MORC2: variants seen among roughly 807,000 people sequenced by gnomAD.
MORC2 encodes the protein ATPase MORC2.
In MORC2, 30 loss-of-function variants were observed where a neutral mutation model predicts 136.0. That is an observed-to-expected ratio of 0.22 (90% CI 0.17 to 0.30). The LOEUF (loss-of-function observed/expected upper bound fraction) is 0.30. MORC2 is among the 10% of genes least tolerant of loss of function. The pLI is 1.00. For synonymous variants in MORC2, 439 were observed against 487.0 expected (o/e 0.90, Z 1.30); for missense variants, 922 against 1,333.1 (o/e 0.69, Z 4.80).
At chr22:30,933,148 G>T (rs1331826845) in intron 21 of MORC2, 118 bp from the exon 22 acceptor site, 1 of 1,409,914 alleles carries the variant, frequency 7.1e-7, no homozygotes, top group East Asian at 2.3e-5. Flanking sequence ...TTAGGTGCTT[G>T]CCCCCACTAC....
intron 1 of MORC2, among the ~76,000 whole-genome samples, chr22:30,966,342 A>T (rs1243373511): frequency 2.0e-5 from 3 of 152,158 alleles, no homozygotes; most frequent in Non-Finnish European, 4.4e-5. Flanking sequence ...TGTTCTTAAT[A>T]TGGCAGTTCA....
At chr22:30,960,842 C>T (rs953438178) in intron 1 of MORC2, among the ~76,000 whole-genome samples, 7 of 149,002 alleles carry the variant, frequency 4.7e-5, no homozygotes, top group Non-Finnish European at 1.0e-4. Flanking sequence ...ATAAAACAGC[C>T]ATATTTTGTT....
At position 30,932,482 on chromosome 22, in the gene MORC2, T is replaced by C. The variant is rs1212173803; in HGVS notation, c.2748-30A>G. ...AGAAGGCAGGGACAGTAATTCAGAA[T>C]GGCATGGAGCAGGCAGAGAGCTGCT... On this transcript the variant is annotated intron_variant, in intron 23 of 25. Coordinates refer to ENST00000397641, the MANE Select transcript of MORC2 (RefSeq NM_001303256.3). This position sits in a 1 kb window ranked among gnomAD's most constrained non-coding sequence, Gnocchi z 4.4. 2.5e-6 allele frequency: 4 copies of C among 1,612,834 alleles called. No homozygotes were observed. The highest frequency in any genetic ancestry group is 2.2e-5 in the East Asian group (1 of 44,874).
At chr22:30,933,350 GCCCAGA>G in intron 21 of MORC2, 110 bp downstream of exon 21, 1 of 1,162,792 alleles carries the variant, frequency 8.6e-7, no homozygotes, top group South Asian at 1.4e-5. Flanking sequence ...CTGCACAAGA[GCCCAGA>G]CCCAGGACAG....
At chr22:30,958,985 T>C (rs2041005868) in intron 1 of MORC2, 1 of 260,032 alleles carries the variant, frequency 3.8e-6, no homozygotes, top group East Asian at 8.2e-5. Context: ...AAAGTGTTTT[T>C]CACTATTCAT....
At chr22:30,967,150 G>C in intron 1 of MORC2, 1 of 985,364 alleles carries the variant, frequency 1.0e-6, no homozygotes, top group Non-Finnish European at 1.2e-6. Flanking sequence ...TGGGCATATG[G>C]ATTAAACCTG....
chr22:30,926,787 GCTCT>G lies in MORC2; in HGVS notation c.*12_*15del. 6.2e-7 allele frequency: 1 copy of G among 1,608,390 alleles called. No homozygotes were observed. The highest frequency in any genetic ancestry group is 1.3e-5 in the African/African-American group (1 of 74,862). ...TGAGGGGCAGGTGGGCAGGGGAGCT[GCTCT>G]CTCTCCTGCCTTCAGTCCCCCTTGG... On this transcript the variant is annotated 3_prime_UTR_variant, in exon 26 of 26. Coordinates refer to ENST00000397641, the MANE Select transcript of MORC2 (RefSeq NM_001303256.3).
In MORC2 at chr22:30,934,998, C is replaced by T. The variant is rs769791429; in HGVS notation, c.1976G>A (p.Arg659Gln). The change falls in exon 19 of 26, where the codon CGG becomes CAG. Residue 659 changes from arginine (R) to glutamine (Q), a missense_variant. This residue lies in a region of MORC2 where 184 missense variants were observed against 180.3 expected (regional missense o/e 1.02). Transcript: ENST00000397641. The surrounding 1 kb of genome is among the most constrained non-coding windows in gnomAD (Gnocchi z 4.4). ...STPKLPALAA[R>Q]EEASTSRLLQ... ...CAGCCTAGATGTGCTGGCCTCCTCC[C>T]GGGCTGCCAAAGCAGGGAGCTTTGG... The T allele has an allele frequency of 9.3e-6, 15 of 1,613,922 alleles. No individual in the cohort carries two copies. Among genetic ancestry groups the T allele is most frequent in the Middle Eastern group, 1.6e-4 (1 of 6,084 alleles).
intron 5 of MORC2, 116 bp downstream of exon 5, chr22:30,949,636 G>T: frequency 2.3e-6 from 2 of 879,956 alleles, no homozygotes; most frequent in Non-Finnish European, 3.6e-6. Flanking sequence ...ACTTCTTCCA[G>T]TTCCAGAATT....
chr22:30,938,266 A>T, intron 12 of MORC2, 61 bp from the exon 13 acceptor site: 3 of 1,586,762 alleles, frequency 1.9e-6, no homozygotes, highest in Non-Finnish European at 2.6e-6. Flanking sequence ...CATAGTGTTT[A>T]AGATGTGTTA....
intron 1 of MORC2, among the ~76,000 whole-genome samples, chr22:30,964,996 T>C (rs1229476974): frequency 6.6e-6 from 1 of 152,208 alleles, no homozygotes; most frequent in African/African-American, 2.4e-5. Flanking sequence ...CATATAATCC[T>C]CGTAAAAACT....
chr22:30,937,546 T>C lies in MORC2; in HGVS notation c.1498+37A>G, dbSNP rs976269162. The stretch of plus-strand genomic sequence containing the variant: ...TAGAGAAAAGAGGCTTGTGGGCTGA[T>C]GGAAATGAGTCGGGGGGGTCCAACC... On this transcript the variant is annotated intron_variant, in intron 15 of 25. Transcript: ENST00000397641. The surrounding 1 kb of genome is among the most constrained non-coding windows in gnomAD (Gnocchi z 4.7). 1.9e-6 allele frequency: 3 copies of C among 1,603,144 alleles called. No homozygotes were observed. The highest frequency in any genetic ancestry group is 1.7e-5 in the Admixed American group (1 of 58,826).
At position 30,937,838 on chromosome 22, in the gene MORC2, T is replaced by G; in HGVS notation, c.1346A>C (p.Gln449Pro). Reference sequence around the variant, plus strand: ...ACCGATGGCAATATCCTTCCAATACTGCGCCAGGTGCTCCCCCATTGCTCG... The same window carrying G: ...ACCGATGGCAATATCCTTCCAATACGGCGCCAGGTGCTCCCCCATTGCTCG... ...LLRAMGEHLA[Q>P]YWKDIAIAQR... The change falls in exon 14 of 26, where the codon CAG becomes CCG. Residue 449 changes from glutamine to proline, a missense_variant. Physicochemically the swap from Gln to Pro is moderately conservative, Grantham distance 76. Coordinates refer to ENST00000397641, the MANE Select transcript of MORC2 (RefSeq NM_001303256.3). This position sits in a 1 kb window ranked among gnomAD's most constrained non-coding sequence, Gnocchi z 4.7. 1 of 1,614,148 alleles carries G rather than the reference T, an allele frequency of 6.2e-7. No homozygotes were observed. Among genetic ancestry groups the G allele is most frequent in the Non-Finnish European group, 8.5e-7 (1 of 1,180,026 alleles).
rs115060721 is a variant in MORC2, at chr22:30,952,254, C to T, written c.158-1809G>A. 7.3e-3 allele frequency among the ~76,000 whole-genome samples: 1,105 copies of T among 152,276 alleles called. 13 individuals are homozygous for T. Among genetic ancestry groups the T allele is most frequent in the African/African-American group, 0.025 (1,044 of 41,538 alleles). ...GGTAAAAGCAGCATTCTAAACCTAG[C>T]CAAGAGCCATTTGCTGTACACTACA... On this transcript the variant is annotated intron_variant, in intron 3 of 25. Coordinates refer to ENST00000397641, the MANE Select transcript of MORC2 (RefSeq NM_001303256.3).
At position 30,928,082 on chromosome 22, in the gene MORC2, C is replaced by T. The variant is rs2040517026; in HGVS notation, c.2967G>A (p.Glu989=). ...TCAGCTTCTGCAGCTTCTCCTCCGTCTCGCGGAGCTTCCTCTCGGAGGTGC... is the reference window on the plus strand; with the variant it reads ...TCAGCTTCTGCAGCTTCTCCTCCGTTTCGCGGAGCTTCCTCTCGGAGGTGC... The part of the protein sequence containing the change: ...SLRTSERKLR[E]TEEKLQKLRT... Residue 989 remains glutamate (E), a synonymous_variant, in exon 25 of 26, where the codon GAG becomes GAA. Coordinates refer to ENST00000397641, the MANE Select transcript of MORC2 (RefSeq NM_001303256.3). 2.5e-6 allele frequency: 4 copies of T among 1,614,114 alleles called. No homozygotes were observed. Among genetic ancestry groups the T allele is most frequent in the Non-Finnish European group, 2.5e-6 (3 of 1,180,032 alleles).
intron 2 of MORC2, among the ~76,000 whole-genome samples, chr22:30,958,087 T>C (rs572225621): frequency 5.9e-5 from 9 of 152,362 alleles, no homozygotes; most frequent in African/African-American, 1.9e-4. Flanking sequence ...TATTCAGTCT[T>C]ACACAGTAAC....
chr22:30,939,518 G>T (rs1397484081), intron 12 of MORC2, 103 bp downstream of exon 12: 5 of 1,096,492 alleles, frequency 4.6e-6, no homozygotes, highest in African/African-American at 3.1e-5. Context: ...ACAAGCATTT[G>T]GCATTAAAAC....
chr22:30,943,791 G>A (rs1409503379), intron 6 of MORC2, among the ~76,000 whole-genome samples: 2 of 152,036 alleles, frequency 1.3e-5, no homozygotes, highest in South Asian at 2.1e-4. Context: ...GCTGGAGTGC[G>A]ATGGCATGAT....
chr22:30,942,833 G>A (rs1046611992), intron 6 of MORC2, among the ~76,000 whole-genome samples: 1 of 151,838 alleles, frequency 6.6e-6, no homozygotes, highest in Non-Finnish European at 1.5e-5. Flanking sequence ...GGTGAATCCC[G>A]GTCTCCACTA....
Sources: allele counts gnomAD v4.1 joint callset (sites outside exome capture counted in the v4.1 genomes callset), GRCh38; gene constraint gnomAD v4.1.1; regional missense constraint gnomAD v4.1.1; non-coding constraint Gnocchi (gnomAD v3.1); transcripts MANE v1.5; gene names NCBI Gene and HGNC (gene_info 2026-07-23, HGNC 2026-07-21).